SLC25A30: variants seen among roughly 807,000 people sequenced by gnomAD.
SLC25A30 encodes kidney mitochondrial carrier protein 1.
SLC25A30 carries 29 observed loss-of-function variants against 42.7 expected under a neutral mutation model. The ratio of observed to expected loss-of-function variants is 0.68; its 90% CI spans 0.51 to 0.93. The LOEUF is 0.93. SLC25A30 is among the 40% of genes least tolerant of loss of function. The probability of loss-of-function intolerance (pLI) is 0.00; values close to 1 mark genes in which losing one functional copy is unlikely to be tolerated. For synonymous variants in SLC25A30, 124 were observed against 131.0 expected, an observed-to-expected ratio of 0.95 and a Z score of 0.37; for missense variants, 300 against 359.7, an observed-to-expected ratio of 0.83 and a Z score of 1.34.
chr13:45,427,085 T>TTTATCAGGA, the SLC25A30 span, among the ~76,000 whole-genome samples: 1 of 152,128 alleles, frequency 6.6e-6, no homozygotes, highest in Non-Finnish European at 1.5e-5. Flanking sequence ...ATTAATGAGA[T>TTTATCAGGA]CATTTATCTT....
chr13:45,424,118 TATATATAA>T, the SLC25A30 span, among the ~76,000 whole-genome samples: 350 of 98,418 alleles, frequency 3.6e-3, 6 homozygotes, highest in African/African-American at 0.014. Context: ...TATATATAAA[TATATATAA>T]ATATATAAAT....
chr13:45,423,046 G>T (rs1251381408), upstream of SLC25A30, among the ~76,000 whole-genome samples: 1 of 152,064 alleles, frequency 6.6e-6, no homozygotes, highest in East Asian at 1.9e-4. Flanking sequence ...GTCTTCCCAT[G>T]AAACAGTAAG....
the SLC25A30 span, among the ~76,000 whole-genome samples, chr13:45,426,695 C>A: frequency 2.0e-4 from 30 of 152,084 alleles, no homozygotes; most frequent in Non-Finnish European, 3.1e-4. Flanking sequence ...CTCCTGACAG[C>A]CTTAGCGGAC....
chr13:45,397,419 G>C, intron 8 of SLC25A30, 81 bp from the exon 9 acceptor site: 1 of 1,029,690 alleles, frequency 9.7e-7, no homozygotes, highest in Non-Finnish European at 1.5e-6. Context: ...CAGGCCAGGC[G>C]CGGTGGCTCA....
intron 5 of SLC25A30, among the ~76,000 whole-genome samples, chr13:45,403,320 GA>G (rs2137649106): frequency 6.6e-6 from 1 of 152,250 alleles, no homozygotes; most frequent in South Asian, 2.1e-4. Flanking sequence ...CTATTAGATT[GA>G]AGGCTCTCTG....
chr13:45,408,298 G>C (rs1236460989), intron 3 of SLC25A30, among the ~76,000 whole-genome samples: 1 of 152,152 alleles, frequency 6.6e-6, no homozygotes, highest in Non-Finnish European at 1.5e-5. Context: ...AGAAGATGGA[G>C]TCCCAGATTT....
At chr13:45,423,646 C>T in the SLC25A30 span, among the ~76,000 whole-genome samples, 5,607 of 14,334 alleles carry the variant, frequency 0.39, 586 homozygotes, top group Non-Finnish European at 0.42. Context: ...ATATAAAATA[C>T]ATATTTATAT....
At chr13:45,401,347 G>C in intron 6 of SLC25A30, 140 bp from the exon 7 acceptor site, 3 of 812,906 alleles carry the variant, frequency 3.7e-6, no homozygotes, top group Non-Finnish European at 3.8e-6. Context: ...TAGAGTGACA[G>C]AGCGGAAAAG....
chr13:45,421,080 C>G (rs1883878960), upstream of SLC25A30, among the ~76,000 whole-genome samples: 1 of 151,352 alleles, frequency 6.6e-6, no homozygotes, highest in Admixed American at 6.6e-5. Flanking sequence ...AGTTTAGAAA[C>G]AAGAATAACA....
At position 45,411,362 on chromosome 13, in the gene SLC25A30, C is replaced by T. The variant is rs150999788; in HGVS notation, c.64G>A (p.Gly22Ser). The stretch of plus-strand genomic sequence containing the variant: ...TGATCCACCACCCTCAGGTCCTTAC[C>T]GCACTCAGCAGTGATGGAGGCCAGC... ...GGLASITAEC[G>S]TFPIDLTKTR... The change falls in exon 2 of 10, where the codon GGT (glycine) becomes AGT (serine). Residue 22 changes from glycine to serine, a missense_variant and splice_region_variant. Gly to Ser is a moderately conservative substitution (Grantham distance 56). Coordinates refer to ENST00000519676, the MANE Select transcript of SLC25A30 (RefSeq NM_001010875.4). 13 of 1,612,550 alleles carry T rather than the reference C, an allele frequency of 8.1e-6. No homozygotes were observed. The highest frequency in any genetic ancestry group is 5.3e-5 in the African/African-American group (4 of 74,904).
chr13:45,394,978 T>G lies in SLC25A30; in HGVS notation c.*996A>C. 1.0e-6 allele frequency: 1 copy of G among 985,472 alleles called. No homozygotes were observed. Among genetic ancestry groups the G allele is most frequent in the Non-Finnish European group, 1.2e-6 (1 of 829,946 alleles). The allele number at this position is 985,472 out of a possible 1,614,324, so 61.0% of individuals were successfully genotyped here. A position where few individuals can be genotyped will look rare whatever the true frequency, so the allele number is the denominator to read the frequency against. On this transcript the variant is annotated 3_prime_UTR_variant, in exon 10 of 10. Coordinates refer to ENST00000519676, the MANE Select transcript of SLC25A30 (RefSeq NM_001010875.4). ...AAGCCTGAACTTATACAGTGTTCTTTCTTCAACAAGACCTTAACAAAGGGC... is the reference window on the plus strand; with the variant it reads ...AAGCCTGAACTTATACAGTGTTCTTGCTTCAACAAGACCTTAACAAAGGGC...
At position 45,395,794 on chromosome 13, in the gene SLC25A30, G is replaced by A. The variant is rs78856045; in HGVS notation, c.*180C>T. On this transcript the variant is annotated 3_prime_UTR_variant, in exon 10 of 10. Coordinates refer to ENST00000519676, the MANE Select transcript of SLC25A30 (RefSeq NM_001010875.4). ...TGGATGTTAGTTTATGCCATTAAAC[G>A]TTTGATGAAGAGCATCCAATGCCAA... 3,169 of 1,476,612 alleles carry A rather than the reference G, an allele frequency of 2.1e-3. 6 individuals carry two copies. The highest frequency in any genetic ancestry group is 2.7e-3 in the Non-Finnish European group (2,970 of 1,114,722). 91.5% of individuals were successfully genotyped at this position (1,476,612 alleles called of 1,614,324 possible).
upstream of SLC25A30, among the ~76,000 whole-genome samples, chr13:45,418,967 A>AAAAAAAAC (rs1883777623): frequency 8.9e-6 from 1 of 112,846 alleles, no homozygotes; most frequent in African/African-American, 3.6e-5. Context: ...AAAAAAAAAA[A>AAAAAAAAC]AAAAAAAAAA....
In SLC25A30 at chr13:45,394,743, GAAA is replaced by G; in HGVS notation, c.*1228_*1230del. 2 of 985,126 alleles carry G rather than the reference GAAA, an allele frequency of 2.0e-6. No homozygotes were observed. Among genetic ancestry groups the G allele is most frequent in the East Asian group, 2.3e-4 (2 of 8,806 alleles). 61.0% of individuals were successfully genotyped at this position (985,126 alleles called of 1,614,324 possible). On this transcript the variant is annotated 3_prime_UTR_variant, in exon 10 of 10. Coordinates refer to ENST00000519676, the MANE Select transcript of SLC25A30 (RefSeq NM_001010875.4). ...GACTTATTGTGTCTACAGAAGGAAAGAAAAAGGGAAAATATTACATACCACCTA... is the reference window on the plus strand; with the variant it reads ...GACTTATTGTGTCTACAGAAGGAAAGAAGGGAAAATATTACATACCACCTA...
At chr13:45,425,017 TAC>T in the SLC25A30 span, among the ~76,000 whole-genome samples, 1 of 66,208 alleles carries the variant, frequency 1.5e-5, no homozygotes. Flanking sequence ...TATATAAATA[TAC>T]ATATATAAAT....
At position 45,397,244 on chromosome 13, in the gene SLC25A30, A is replaced by G; in HGVS notation, c.834+14T>C. ...TGTATCTTTTTTCAGATCTATTGCA[A>G]CAGAAAAGGATACAATGATATTCCA... On this transcript the variant is annotated intron_variant, in intron 9 of 9. Coordinates refer to ENST00000519676, the MANE Select transcript of SLC25A30 (RefSeq NM_001010875.4). 1 of 1,558,700 alleles carries G rather than the reference A, an allele frequency of 6.4e-7. No homozygotes were observed. The highest frequency in any genetic ancestry group is 1.4e-5 in the African/African-American group (1 of 73,586).
chr13:45,406,025 A>G, intron 3 of SLC25A30, 48 bp from the exon 4 acceptor site: 1 of 1,572,350 alleles, frequency 6.4e-7, no homozygotes, highest in South Asian at 1.1e-5. Flanking sequence ...AAAATCACTT[A>G]ACATCGGCTA....
chr13:45,409,224 T>G, intron 2 of SLC25A30, 150 bp from the exon 3 acceptor site: 1 of 606,670 alleles, frequency 1.6e-6, no homozygotes, highest in Non-Finnish European at 2.5e-6. Context: ...TTTATATTTT[T>G]AAAAATTGAG....
At chr13:45,425,614 A>G in the SLC25A30 span, among the ~76,000 whole-genome samples, 129 of 99,978 alleles carry the variant, frequency 1.3e-3, 30 homozygotes, top group Middle Eastern at 9.0e-3. Flanking sequence ...ATATACATAT[A>G]TAAATATATA....
Sources: allele counts gnomAD v4.1 joint callset (sites outside exome capture counted in the v4.1 genomes callset), GRCh38; gene constraint gnomAD v4.1.1; transcripts MANE v1.5; gene names NCBI Gene and HGNC (gene_info 2026-07-23, HGNC 2026-07-21).